The following LUZP2 variants were observed in gnomAD, a reference collection of about 807,000 sequenced individuals.
LUZP2 encodes leucine zipper protein 2.
A neutral mutation model predicts 51.6 loss-of-function variants in LUZP2; 52 were observed. The observed-to-expected ratio is 1.01, with a 90% CI of 0.81 to 1.27. The LOEUF is 1.27. LUZP2 is among the 50% of genes most tolerant of loss of function. LUZP2 has a pLI of 0.00. For missense variants in LUZP2, 436 were observed against 395.4 expected, an observed-to-expected ratio of 1.10 and a Z score of -0.87; for synonymous variants, 154 against 137.3, an observed-to-expected ratio of 1.12 and a Z score of -0.85.
intron 5 of LUZP2, among the ~76,000 whole-genome samples, chr11:24,855,745 C>G (rs550117079): frequency 6.6e-6 from 1 of 152,078 alleles, no homozygotes; most frequent in African/African-American, 2.4e-5. Context: ...ATTAAAACAG[C>G]ATGGTACTGG....
intron 10 of LUZP2, among the ~76,000 whole-genome samples, chr11:25,075,282 G>A (rs2134060673): frequency 6.6e-6 from 1 of 152,210 alleles, no homozygotes; most frequent in African/African-American, 2.4e-5. Context: ...TTCAGCTATT[G>A]ATTTTTAGTC....
At chr11:24,689,305 A>C (rs960420094) in intron 1 of LUZP2, among the ~76,000 whole-genome samples, 1 of 152,172 alleles carries the variant, frequency 6.6e-6, no homozygotes, top group African/African-American at 2.4e-5. Flanking sequence ...AAGGGACAGC[A>C]TGCACAGTGT....
At chr11:24,743,325 G>A (rs983649142) in intron 4 of LUZP2, among the ~76,000 whole-genome samples, 1 of 152,154 alleles carries the variant, frequency 6.6e-6, no homozygotes. Context: ...CCATGAGCAT[G>A]AGATATGTTT....
chr11:24,609,453 C>A (rs368951048), intron 1 of LUZP2, among the ~76,000 whole-genome samples: 1 of 151,954 alleles, frequency 6.6e-6, no homozygotes, highest in Non-Finnish European at 1.5e-5. Context: ...AAGGCTGGGG[C>A]GGTGGCTCAC....
intron 1 of LUZP2, among the ~76,000 whole-genome samples, chr11:24,699,989 T>G (rs188428163): frequency 6.6e-6 from 1 of 151,348 alleles, no homozygotes; most frequent in East Asian, 1.9e-4. Context: ...ACTTTTCAAA[T>G]TTGTACTTGT....
At chr11:24,950,178 A>G (rs1410504346) in intron 7 of LUZP2, among the ~76,000 whole-genome samples, 1 of 151,290 alleles carries the variant, frequency 6.6e-6, no homozygotes, top group African/African-American at 2.4e-5. Flanking sequence ...ATCAATGATG[A>G]ATGGATGGGT....
chr11:24,984,549 T>TAAAAAA (rs1316509266), intron 9 of LUZP2, among the ~76,000 whole-genome samples: 12 of 71,224 alleles, frequency 1.7e-4, no homozygotes, highest in Non-Finnish European at 2.2e-4. Flanking sequence ...TATATATATA[T>TAAAAAA]AATTGTGAAT....
At chr11:24,600,855 A>C (rs1853610255) in intron 1 of LUZP2, among the ~76,000 whole-genome samples, 1 of 152,106 alleles carries the variant, frequency 6.6e-6, no homozygotes, top group African/African-American at 2.4e-5. Flanking sequence ...AAAAACAAAA[A>C]CAAAAAGTAA....
chr11:25,023,298 A>G (rs1263852273), intron 9 of LUZP2, among the ~76,000 whole-genome samples: 2 of 151,248 alleles, frequency 1.3e-5, no homozygotes, highest in African/African-American at 4.8e-5. Flanking sequence ...TTTTGGCAAT[A>G]ATTAATAGCC....
intron 1 of LUZP2, among the ~76,000 whole-genome samples, chr11:24,519,256 T>G (rs919579851): frequency 8.5e-5 from 13 of 152,150 alleles, no homozygotes; most frequent in African/African-American, 3.1e-4. Flanking sequence ...GGATTGTATA[T>G]AAGGACTGTT....
Position 24,653,239 on chromosome 11 carries a change from C to T in LUZP2, c.63-75930C>T, listed in dbSNP as rs528343698. Among the ~76,000 whole-genome samples, 5 of 152,242 alleles carry T rather than the reference C, an allele frequency of 3.3e-5. No individual in the cohort carries two copies. The South Asian group carries it at 1.0e-3, about 32-fold the overall frequency. ...GGTGGTAGCAGGGGATATCTGTCAT[C>T]ATGTTCTGGATGTATTTTTTAAGTG... is the stretch of plus-strand genomic sequence containing the variant. On this transcript the variant is annotated intron_variant, in intron 1 of 11. Coordinates refer to ENST00000336930, the MANE Select transcript of LUZP2 (RefSeq NM_001009909.4).
chr11:24,873,745 T>C (rs1852158125), intron 5 of LUZP2, among the ~76,000 whole-genome samples: 1 of 152,200 alleles, frequency 6.6e-6, no homozygotes, highest in Non-Finnish European at 1.5e-5. Context: ...TAGATAATGA[T>C]CTACATTTTA....
intron 7 of LUZP2, among the ~76,000 whole-genome samples, chr11:24,919,036 T>G (rs1853913481): frequency 9.4e-6 from 1 of 106,344 alleles, no homozygotes; most frequent in Non-Finnish European, 1.9e-5. Context: ...ATCCATAATA[T>G]GTATTATATA....
chr11:25,000,162 G>A (rs532827910), intron 9 of LUZP2, among the ~76,000 whole-genome samples: 6 of 152,136 alleles, frequency 3.9e-5, no homozygotes, highest in South Asian at 2.1e-4. Flanking sequence ...AGTGCTGATC[G>A]GTGTGTTTAC....
rs891788044 is a variant in LUZP2 at position 24,678,080 on chromosome 11, G to A, written c.63-51089G>A. Among the ~76,000 whole-genome samples, 32 of 137,670 alleles carry A rather than the reference G, an allele frequency of 2.3e-4. 1 individual carries two copies. Among genetic ancestry groups the A allele is most frequent in the Admixed American group, 5.8e-4 (8 of 13,838 alleles). The allele number at this position is 137,670 out of a possible 152,430, so 90.3% of individuals were successfully genotyped here. On this transcript the variant is annotated intron_variant, in intron 1 of 11. Coordinates refer to ENST00000336930, the MANE Select transcript of LUZP2 (RefSeq NM_001009909.4). ...GAAAAGGGAGGAAAGGAGAAAGGGG[G>A]GGGGGGGTGATTACTACGTAGCTAT...
intron 7 of LUZP2, among the ~76,000 whole-genome samples, chr11:24,923,810 A>G (rs1256985665): frequency 2.6e-5 from 4 of 152,140 alleles, no homozygotes; most frequent in Non-Finnish European, 4.4e-5. Flanking sequence ...GTAAATGAAT[A>G]GCTTATTTTC....
In LUZP2 at chr11:24,724,742, G is replaced by C. The variant is rs192377240; in HGVS notation, c.63-4427G>C. Among the ~76,000 whole-genome samples, 89 of 152,252 alleles carry C rather than the reference G, an allele frequency of 5.8e-4. 1 individual carries two copies. In the South Asian group the frequency reaches 0.01, roughly 18 times the overall value. ...AAAAGATATGACTGGTCAATTCAAA[G>C]AAGTTATTGCTACCACTTTAAAAAG... On this transcript the variant is annotated intron_variant, in intron 1 of 11. Coordinates refer to ENST00000336930, the MANE Select transcript of LUZP2 (RefSeq NM_001009909.4).
intron 1 of LUZP2, among the ~76,000 whole-genome samples, chr11:24,643,869 T>C (rs1260548557): frequency 6.6e-6 from 1 of 152,230 alleles, no homozygotes; most frequent in Non-Finnish European, 1.5e-5. Flanking sequence ...TACATGACTA[T>C]GCATTTCATC....
At chr11:25,073,387 T>C (rs181194294) in intron 10 of LUZP2, among the ~76,000 whole-genome samples, 4 of 152,136 alleles carry the variant, frequency 2.6e-5, no homozygotes, top group African/African-American at 7.2e-5. Flanking sequence ...AAGGAAACTT[T>C]GGTTTTCTTC....
Sources: allele counts gnomAD v4.1 joint callset (sites outside exome capture counted in the v4.1 genomes callset), GRCh38; gene constraint gnomAD v4.1.1; transcripts MANE v1.5; gene names NCBI Gene and HGNC (gene_info 2026-07-23, HGNC 2026-07-21).